PTGIS: variants seen among roughly 807,000 people sequenced by gnomAD.
The protein encoded by PTGIS is prostaglandin I2 synthase.
Under a neutral mutation model 50.3 loss-of-function variants are expected in PTGIS, and 45 were observed. The ratio of observed to expected loss-of-function variants is 0.90; its 90% confidence interval spans 0.70 to 1.15. The LOEUF (loss-of-function observed/expected upper bound fraction) is 1.15, where lower values mean the gene tolerates loss of function less well. Ranked by LOEUF, PTGIS falls within the 50% of genes most tolerant of loss-of-function variation. The probability of loss-of-function intolerance (pLI) is 0.00; values close to 1 mark genes in which losing one functional copy is unlikely to be tolerated. For synonymous variants in PTGIS, 260 were observed against 267.7 expected, an observed-to-expected ratio of 0.97 and a Z score of 0.28; for missense variants, 668 against 661.3, an observed-to-expected ratio of 1.01 and a Z score of -0.11.
chr20:49,562,060 G>A (rs1183350311), intron 1 of PTGIS, among the ~76,000 whole-genome samples: 3 of 152,140 alleles, frequency 2.0e-5, no homozygotes, highest in Admixed American at 1.3e-4. Context: ...TACAGAGGAG[G>A]AAACTGAGGT....
rs186504102 is a variant in PTGIS, at chr20:49,557,368, A to C, written c.75-7179T>G. On this transcript the variant is annotated intron_variant, in intron 1 of 9. Coordinates refer to ENST00000244043, the MANE Select transcript of PTGIS (RefSeq NM_000961.4). Reference sequence around the variant, plus strand: ...CACTTTGGGAGGCTGAGACAGGAGGATCACTTGAGCCTAGGAGTTCAAGAC... The same window carrying C: ...CACTTTGGGAGGCTGAGACAGGAGGCTCACTTGAGCCTAGGAGTTCAAGAC... Among the ~76,000 whole-genome samples the C allele has an allele frequency of 3.8e-3, 574 of 152,246 alleles. 2 individuals carry two copies. Among genetic ancestry groups the C allele is most frequent in the Non-Finnish European group, 6.4e-3 (437 of 68,012 alleles).
At chr20:49,561,706 C>T (rs1283825907) in intron 1 of PTGIS, among the ~76,000 whole-genome samples, 4 of 152,166 alleles carry the variant, frequency 2.6e-5, no homozygotes, top group Admixed American at 6.5e-5. Context: ...CTTAGCTTCT[C>T]CATGCCTCTA....
chr20:49,566,816 A>G (rs55866177), intron 1 of PTGIS, among the ~76,000 whole-genome samples: 10,201 of 152,312 alleles, frequency 0.067, 357 homozygotes, highest in South Asian at 0.12. Flanking sequence ...GGATCCTGGA[A>G]CAAAAGAGGA....
At chr20:49,536,474 CTTTCTT>C (rs1166480160) in intron 5 of PTGIS, among the ~76,000 whole-genome samples, 314 of 125,480 alleles carry the variant, frequency 2.5e-3, no homozygotes, top group African/African-American at 0.01. Flanking sequence ...TTCTTTCTTT[CTTTCTT>C]TTTTTTTTTT....
intron 1 of PTGIS, among the ~76,000 whole-genome samples, chr20:49,556,766 G>C (rs144967095): frequency 1.2e-4 from 19 of 152,170 alleles, no homozygotes; most frequent in Non-Finnish European, 1.9e-4. Flanking sequence ...GTCTAGACTT[G>C]TCTAATGTTT....
In PTGIS at chr20:49,539,613, G is replaced by A. The variant is rs1309595944; in HGVS notation, c.630C>T (p.Leu210=). The A allele has an allele frequency of 6.2e-6, 10 of 1,613,916 alleles. No individual in the cohort carries two copies. The highest frequency in any genetic ancestry group is 1.7e-5 in the Admixed American group (1 of 59,978). ...GGGCCAGTTTGGGGAGCAGCCGGTC[G>A]AGCTGGCGAAAGGTGTGGAAGACAT... The part of the protein sequence containing the change: ...SADVFHTFRQ[L]DRLLPKLARG... Residue 210 remains leucine (L), a synonymous_variant, in exon 5 of 10, where the codon CTC becomes CTT. Coordinates refer to ENST00000244043, the MANE Select transcript of PTGIS (RefSeq NM_000961.4).
intron 1 of PTGIS, among the ~76,000 whole-genome samples, chr20:49,564,177 C>A (rs986959887): frequency 1.3e-5 from 2 of 152,170 alleles, no homozygotes; most frequent in African/African-American, 4.8e-5. Context: ...TTTTTATATT[C>A]TCAGGCAAGA....
At chr20:49,535,820 G>A (rs1982054465) in intron 5 of PTGIS, among the ~76,000 whole-genome samples, 1 of 152,174 alleles carries the variant, frequency 6.6e-6, no homozygotes, top group African/African-American at 2.4e-5. Context: ...TCGGCCAGAT[G>A]TCTTGTATTT....
intron 4 of PTGIS, 125 bp downstream of exon 4, chr20:49,544,180 C>A: frequency 7.6e-7 from 1 of 1,316,438 alleles, no homozygotes; most frequent in South Asian, 1.4e-5. Context: ...ACAGTCTTTG[C>A]TTTGGGTGTC....
intron 4 of PTGIS, 102 bp downstream of exon 4, chr20:49,544,203 C>A: frequency 6.7e-7 from 1 of 1,496,802 alleles, no homozygotes; most frequent in Non-Finnish European, 9.1e-7. Flanking sequence ...AAATTGCTTC[C>A]CCCACCCACA....
intron 5 of PTGIS, among the ~76,000 whole-genome samples, chr20:49,527,446 C>G (rs1981820662): frequency 6.6e-6 from 1 of 151,880 alleles, no homozygotes; most frequent in African/African-American, 2.4e-5. Context: ...GACAGAGACT[C>G]TGTCTCCAAA....
Position 49,535,913 on chromosome 20 carries a change from C to T in PTGIS, c.673+3657G>A, listed in dbSNP as rs149644250. Among the ~76,000 whole-genome samples the T allele has an allele frequency of 2.6e-3, 399 of 152,294 alleles. 2 individuals are homozygous for T. The highest frequency in any genetic ancestry group is 4.8e-3 in the Non-Finnish European group (324 of 68,026). ...TTTATTATTGATTTTCTGGGGTTCT[C>T]CAGGTACAATATCAGATCATCTGCA... is the stretch of plus-strand genomic sequence containing the variant. On this transcript the variant is annotated intron_variant, in intron 5 of 9. Coordinates refer to ENST00000244043, the MANE Select transcript of PTGIS (RefSeq NM_000961.4).
intron 4 of PTGIS, among the ~76,000 whole-genome samples, chr20:49,542,644 C>T (rs1171878304): frequency 2.0e-5 from 3 of 152,176 alleles, no homozygotes; most frequent in Non-Finnish European, 4.4e-5. Flanking sequence ...TTCAGCTGGC[C>T]CTCTCTGGAC....
At chr20:49,548,742 G>A (rs1043832863) in intron 2 of PTGIS, among the ~76,000 whole-genome samples, 20 of 151,940 alleles carry the variant, frequency 1.3e-4, no homozygotes, top group Non-Finnish European at 2.6e-4. Context: ...AGGGAGGAAG[G>A]AAGGAAGGAA....
chr20:49,531,537 A>G (rs1981936265), intron 5 of PTGIS, among the ~76,000 whole-genome samples: 1 of 152,230 alleles, frequency 6.6e-6, no homozygotes, highest in Non-Finnish European at 1.5e-5. Flanking sequence ...GGTTGCCCCA[A>G]AAATCAAAAA....
rs1293090114 is a variant in PTGIS at position 49,567,876 on chromosome 20, C to T, written c.74+167G>A. ...GGGGGAGCACGGCCTGGCCCCCTCA[C>T]CCACGTGCGGGGCCCCGGGACTCCC... On this transcript the variant is annotated intron_variant, in intron 1 of 9. Coordinates refer to ENST00000244043, the MANE Select transcript of PTGIS (RefSeq NM_000961.4). Among the ~76,000 whole-genome samples, 4 of 152,338 alleles carry T rather than the reference C, an allele frequency of 2.6e-5. No homozygotes were observed. The South Asian group carries it at 8.3e-4, about 32-fold the overall frequency.
chr20:49,541,623 C>T (rs1428762116), intron 4 of PTGIS, among the ~76,000 whole-genome samples: 1 of 152,096 alleles, frequency 6.6e-6, no homozygotes, highest in African/African-American at 2.4e-5. Context: ...CCCAGCTACT[C>T]AGGAGGCTGA....
intron 1 of PTGIS, 150 bp downstream of exon 1, chr20:49,567,893 G>A (rs1395100175): frequency 3.0e-6 from 2 of 667,270 alleles, no homozygotes; most frequent in East Asian, 3.5e-5. Context: ...GCGGGGCCCC[G>A]GGACTCCCAC....
At chr20:49,558,493 T>C (rs1982677647) in intron 1 of PTGIS, among the ~76,000 whole-genome samples, 2 of 152,206 alleles carry the variant, frequency 1.3e-5, no homozygotes, top group African/African-American at 4.8e-5. Flanking sequence ...TGCTTTGGAA[T>C]GCAGTCTGGC....
Sources: allele counts gnomAD v4.1 joint callset (sites outside exome capture counted in the v4.1 genomes callset), GRCh38; gene constraint gnomAD v4.1.1; transcripts MANE v1.5; gene names NCBI Gene and HGNC (gene_info 2026-07-23, HGNC 2026-07-21).